The following DNMT1 variants were observed in gnomAD, a reference collection of about 807,000 sequenced individuals.
DNMT1 encodes the protein DNA methyltransferase 1.
DNMT1 carries 24 observed loss-of-function variants against 205.3 expected under a neutral mutation model. The observed-to-expected ratio is 0.12, with a 90% confidence interval of 0.08 to 0.16. DNMT1 has a LOEUF of 0.16. Ranked by LOEUF, DNMT1 falls within the 10% of genes least tolerant of loss-of-function variation. DNMT1 has a pLI of 1.00. For missense variants in DNMT1, 1,293 were observed against 2,177.7 expected (o/e 0.59, Z 8.09); for synonymous variants, 817 against 839.8 (o/e 0.97, Z 0.47).
chr19:10,148,814 AGCACAC>A, intron 27 of DNMT1, 64 bp downstream of exon 27: 1 of 1,612,028 alleles, frequency 6.2e-7, no homozygotes, highest in Non-Finnish European at 8.5e-7. Flanking sequence ...ACCAGACGGA[AGCACAC>A]GGGAAAAGGG....
At chr19:10,135,463 G>A (rs369461552) in intron 39 of DNMT1, 3 of 501,752 alleles carry the variant, frequency 6.0e-6, no homozygotes, top group Non-Finnish European at 1.1e-5. Context: ...CGCCACCATG[G>A]GTTTTAGCCT....
Position 10,143,970 on chromosome 19 carries a change from G to C in DNMT1, c.2912C>G (p.Pro971Arg). ...AFTFNIKLSS[P>R]VKRPRKEPVD... ...GGGCTCCTTCCGTGGGCGTTTCACG[G>C]GACTGGACAGCTTGATGCTGCAGAG... Residue 971 changes from proline to arginine, a missense_variant, in exon 29 of 41, where the codon CCC becomes CGC. Physicochemically the swap from Pro to Arg is moderately radical, Grantham distance 103 (BLOSUM62 -2). This residue lies in a region of DNMT1 where 167 missense variants were observed against 258.1 expected (regional missense o/e 0.65). Transcript: ENST00000359526. The C allele has an allele frequency of 2.5e-6, 4 of 1,613,862 alleles. No homozygotes were observed. The highest frequency in any genetic ancestry group is 3.4e-6 in the Non-Finnish European group (4 of 1,179,936).
intron 1 of DNMT1, among the ~76,000 whole-genome samples, chr19:10,192,212 G>T (rs890626346): frequency 6.6e-6 from 1 of 152,074 alleles, no homozygotes; most frequent in South Asian, 2.1e-4. Context: ...CTTGAGCTCA[G>T]GGGTTCAAGG....
At chr19:10,134,448 T>C in intron 39 of DNMT1, 141 bp from the exon 40 acceptor site, 1 of 729,528 alleles carries the variant, frequency 1.4e-6, no homozygotes, top group Non-Finnish European at 2.3e-6. Context: ...CCTGCTCACA[T>C]GGGCCCAAAA....
At chr19:10,183,128 T>A (rs1472912127) in intron 1 of DNMT1, among the ~76,000 whole-genome samples, 159 of 145,844 alleles carry the variant, frequency 1.1e-3, no homozygotes, top group Middle Eastern at 3.6e-3. Context: ...TATATATATT[T>A]TTTTTTTTTG....
rs767465634 is a variant in DNMT1, at chr19:10,154,285, G to T, written c.2019+8C>A. ...TAGGGGAGCGGGAGCACCCACAGGT[G>T]AGGTTACCTCACAGACGCCACATCG... On this transcript the variant is annotated splice_region_variant and intron_variant, in intron 22 of 40. Coordinates refer to ENST00000359526, the MANE Select transcript of DNMT1 (RefSeq NM_001130823.3). This position sits in a 1 kb window ranked among gnomAD's most constrained non-coding sequence, Gnocchi z 6.3. 1.1e-5 allele frequency: 18 copies of T among 1,613,904 alleles called. No individual in the cohort carries two copies. Among genetic ancestry groups the T allele is most frequent in the Non-Finnish European group, 1.4e-5 (17 of 1,179,892 alleles).
chr19:10,173,756 T>G, intron 8 of DNMT1, 115 bp downstream of exon 8: 1 of 1,150,940 alleles, frequency 8.7e-7, no homozygotes, highest in Admixed American at 1.7e-5. Context: ...CCTCCCAAAG[T>G]GCTGAGATTA....
intron 10 of DNMT1, among the ~76,000 whole-genome samples, chr19:10,167,570 C>T (rs1381487826): frequency 3.3e-5 from 5 of 152,170 alleles, no homozygotes; most frequent in African/African-American, 4.8e-5. Flanking sequence ...CAGCCACAAG[C>T]GTGTACCCAG....
At chr19:10,145,973 C>T (rs1345214135) in intron 28 of DNMT1, among the ~76,000 whole-genome samples, 13 of 151,968 alleles carry the variant, frequency 8.6e-5, no homozygotes, top group Admixed American at 5.3e-4. Flanking sequence ...GGACTACAGG[C>T]GCGCACCACC....
chr19:10,144,447 T>C (rs1348376387), intron 28 of DNMT1: 2 of 253,472 alleles, frequency 7.9e-6, no homozygotes, highest in Non-Finnish European at 1.6e-5. Context: ...AGATTTAGTC[T>C]CACAGTTTGA....
intron 27 of DNMT1, among the ~76,000 whole-genome samples, chr19:10,148,132 A>T (rs1284738450): frequency 2.0e-5 from 3 of 147,622 alleles, no homozygotes; most frequent in African/African-American, 7.4e-5. Context: ...AAAAAAAAAA[A>T]AAAAAATTAA....
intron 29 of DNMT1, among the ~76,000 whole-genome samples, chr19:10,143,416 G>T (rs1040161786): frequency 6.7e-6 from 1 of 150,158 alleles, no homozygotes; most frequent in Admixed American, 6.6e-5. Context: ...TAGGGCCGGG[G>T]TCTCACTACG....
chr19:10,137,382 C>G lies in DNMT1; in HGVS notation c.4294-102G>C. The G allele has an allele frequency of 7.1e-7, 1 of 1,404,010 alleles. No homozygotes were observed. The highest frequency in any genetic ancestry group is 9.7e-7 in the Non-Finnish European group (1 of 1,031,416). The allele number at this position is 1,404,010 out of a possible 1,614,324, so 87.0% of individuals were successfully genotyped here. On this transcript the variant is annotated intron_variant, in intron 36 of 40. Coordinates refer to ENST00000359526, the MANE Select transcript of DNMT1 (RefSeq NM_001130823.3). The surrounding 1 kb of genome is among the most constrained non-coding windows in gnomAD (Gnocchi z 6.4). ...AACACCATGGTGACCAGGAAGCCCC[C>G]TGGGGCTCACGCCCATCGGGAAAGA...
intron 6 of DNMT1, among the ~76,000 whole-genome samples, chr19:10,176,724 G>T (rs986616382): frequency 6.6e-6 from 1 of 152,000 alleles, no homozygotes; most frequent in Non-Finnish European, 1.5e-5. Context: ...CAGGCGTGGC[G>T]GCGCGCGCCT....
intron 1 of DNMT1, among the ~76,000 whole-genome samples, chr19:10,189,606 G>C (rs1461771284): frequency 6.6e-6 from 1 of 150,932 alleles, no homozygotes; most frequent in Non-Finnish European, 1.5e-5. Context: ...TTTGAGATGG[G>C]GGGGGTCTTC....
chr19:10,177,986 G>A (rs1429623204), intron 5 of DNMT1, among the ~76,000 whole-genome samples: 1 of 151,780 alleles, frequency 6.6e-6, no homozygotes, highest in Non-Finnish European at 1.5e-5. Flanking sequence ...TAGGCCAGGT[G>A]CAGTGGCTCA....
chr19:10,136,021 G>A, intron 38 of DNMT1, 100 bp downstream of exon 38: 1 of 1,560,598 alleles, frequency 6.4e-7, no homozygotes, highest in Non-Finnish European at 8.7e-7. Flanking sequence ...CTGGGGTCCT[G>A]GGGTGCTGTC....
At chr19:10,162,892 C>G in intron 12 of DNMT1, 144 bp from the exon 13 acceptor site, 2 of 855,808 alleles carry the variant, frequency 2.3e-6, no homozygotes, top group Non-Finnish European at 3.7e-6. Flanking sequence ...GCCAGCTTGT[C>G]ATCCCGAGAC....
rs547547908 is a variant in DNMT1 at position 10,154,437 on chromosome 19, C to T, written c.1875G>A (p.Arg625=). ...CTTTCGTGGGTCCCCTGTCCTTCTC[C>T]CTGGTAGAATGCCTGATGGTCTGCC... ...ARRQTIRHST[R]EKDRGPTKAT... Residue 625 remains arginine, a synonymous_variant, in exon 22 of 41, where the codon AGG becomes AGA. Transcript: ENST00000359526. The surrounding 1 kb of genome is among the most constrained non-coding windows in gnomAD (Gnocchi z 6.3). The T allele has an allele frequency of 6.2e-6, 10 of 1,614,214 alleles. No individual in the cohort carries two copies. The African/African-American group carries it at 1.1e-4, about 17-fold the overall frequency.
Sources: allele counts gnomAD v4.1 joint callset (sites outside exome capture counted in the v4.1 genomes callset), GRCh38; gene constraint gnomAD v4.1.1; regional missense constraint gnomAD v4.1.1; non-coding constraint Gnocchi (gnomAD v3.1); transcripts MANE v1.5; gene names NCBI Gene and HGNC (gene_info 2026-07-23, HGNC 2026-07-21).